Variants in DPY19L1 observed in about 807,000 individuals in gnomAD.
The protein encoded by DPY19L1 is protein C-mannosyl-transferase DPY19L1.
In DPY19L1, 35 loss-of-function variants were observed where a neutral mutation model predicts 96.9. That is an observed-to-expected ratio of 0.36 (90% CI 0.28 to 0.48). The LOEUF (loss-of-function observed/expected upper bound fraction) is 0.48. Among genes scored for constraint, DPY19L1 ranks in the 20% least tolerant of loss-of-function variants. DPY19L1 has a pLI of 0.99. For missense variants in DPY19L1, 521 were observed against 777.9 expected (o/e 0.67, Z 3.93); for synonymous variants, 205 against 252.6 (o/e 0.81, Z 1.79).
chr7:35,031,212 A>C (rs1041040452), intron 1 of DPY19L1, among the ~76,000 whole-genome samples: 12 of 152,228 alleles, frequency 7.9e-5, no homozygotes, highest in Admixed American at 2.6e-4. Context: ...TCAGATTGAA[A>C]ATAGTAGGCG....
intron 10 of DPY19L1, among the ~76,000 whole-genome samples, chr7:34,964,015 T>C (rs1784559728): frequency 6.6e-6 from 1 of 152,180 alleles, no homozygotes; most frequent in South Asian, 2.1e-4. Flanking sequence ...GTGGTGGTGA[T>C]GGTTGTAAAA....
chr7:34,933,989 C>T (rs965016424), intron 21 of DPY19L1, among the ~76,000 whole-genome samples: 20 of 151,952 alleles, frequency 1.3e-4, no homozygotes, highest in African/African-American at 4.3e-4. Flanking sequence ...TTTGAGATGG[C>T]GTTTCCCTCT....
Position 35,022,126 on chromosome 7 carries a change from G to A in DPY19L1, c.299-3530C>T, listed in dbSNP as rs183905713. Among the ~76,000 whole-genome samples the A allele has an allele frequency of 6.6e-5, 10 of 152,146 alleles. No homozygotes were observed. The East Asian group carries it at 1.9e-3, about 29-fold the overall frequency. On this transcript the variant is annotated intron_variant, in intron 1 of 21. Coordinates refer to ENST00000638088, the MANE Select transcript of DPY19L1 (RefSeq NM_001366673.1). ...TAATATTTTAAATGATTTTCTCTAAGTTTATTCCAGTGTTTATCGACGTTT... is the reference window on the plus strand; with the variant it reads ...TAATATTTTAAATGATTTTCTCTAAATTTATTCCAGTGTTTATCGACGTTT...
chr7:35,012,359 G>A (rs1376806469), intron 4 of DPY19L1, among the ~76,000 whole-genome samples: 3 of 152,044 alleles, frequency 2.0e-5, no homozygotes, highest in African/African-American at 7.2e-5. Context: ...TGGCCCTAAG[G>A]ACACTCCCTC....
Position 34,940,335 on chromosome 7 carries a change from CA to C in DPY19L1, c.1690-9del. On this transcript the variant is annotated splice_polypyrimidine_tract_variant and intron_variant, in intron 18 of 21. Coordinates refer to ENST00000638088, the MANE Select transcript of DPY19L1 (RefSeq NM_001366673.1). ...AAAGAGCCATCCAAATAGCTGAAAC[CA>C]AATTAAGAATACATTGGTAATTGTT... The C allele has an allele frequency of 6.2e-7, 1 of 1,601,010 alleles. No homozygotes were observed. Among genetic ancestry groups the C allele is most frequent in the Non-Finnish European group, 8.5e-7 (1 of 1,175,566 alleles).
At chr7:35,015,109 C>T (rs1785812233) in intron 3 of DPY19L1, among the ~76,000 whole-genome samples, 1 of 152,180 alleles carries the variant, frequency 6.6e-6, no homozygotes, top group Non-Finnish European at 1.5e-5. Context: ...GCTTGTTGCA[C>T]TTCTTTATGA....
At chr7:34,939,510 G>T in intron 19 of DPY19L1, 135 bp from the exon 20 acceptor site, 1 of 615,140 alleles carries the variant, frequency 1.6e-6, no homozygotes, top group Non-Finnish European at 2.7e-6. Flanking sequence ...TTCAATGGCA[G>T]AACTAGCATG....
intron 16 of DPY19L1, among the ~76,000 whole-genome samples, chr7:34,944,169 C>T (rs960849470): frequency 2.6e-5 from 4 of 151,952 alleles, no homozygotes; most frequent in East Asian, 3.9e-4. Flanking sequence ...TCAAGACCAG[C>T]CTGGCCAATA....
rs1258131673 is a variant in DPY19L1, at chr7:34,935,537, C to G, written c.2090+2457G>C. Among the ~76,000 whole-genome samples the G allele has an allele frequency of 3.3e-5, 5 of 151,980 alleles. No individual in the cohort carries two copies. The South Asian group carries it at 1.0e-3, about 32-fold the overall frequency. ...GAATAATCAAGCCATACAATTAAGCCACTTGTAAATGAGATCATTTAAACA... is the reference window on the plus strand; with the variant it reads ...GAATAATCAAGCCATACAATTAAGCGACTTGTAAATGAGATCATTTAAACA... On this transcript the variant is annotated intron_variant, in intron 21 of 21. Transcript: ENST00000638088.
intron 14 of DPY19L1, among the ~76,000 whole-genome samples, chr7:34,948,080 A>AACACAC (rs76586610): frequency 1.3e-5 from 2 of 151,668 alleles, no homozygotes; most frequent in Non-Finnish European, 2.9e-5. Flanking sequence ...TTATCCTTGA[A>AACACAC]ACACACACAC....
intron 15 of DPY19L1, among the ~76,000 whole-genome samples, 189 bp downstream of exon 15, chr7:34,947,441 C>T (rs889446719): frequency 5.3e-5 from 8 of 152,248 alleles, no homozygotes; most frequent in East Asian, 3.9e-4. Flanking sequence ...CTGTTTTATG[C>T]TAGCAGATAG....
intron 1 of DPY19L1, among the ~76,000 whole-genome samples, chr7:35,032,575 T>A (rs1167450684): frequency 6.6e-6 from 1 of 152,206 alleles, no homozygotes; most frequent in Non-Finnish European, 1.5e-5. Flanking sequence ...TATTTGCTGA[T>A]GACTCCCTGT....
rs57262214 is a variant in DPY19L1 at position 35,027,668 on chromosome 7, T to TAAAAAAAAAAAAAAAAAAAAAAAAAAA, written c.299-9073_299-9072insTTTTTTTTTTTTTTTTTTTTTTTTTTT. On this transcript the variant is annotated intron_variant, in intron 1 of 21. Coordinates refer to ENST00000638088, the MANE Select transcript of DPY19L1 (RefSeq NM_001366673.1). ...CAACATGGCAAAACCCCGTCTCTACTAAAAAAAAAAAAAAAAAAAATTAGT... is the reference window on the plus strand; with the variant it reads ...CAACATGGCAAAACCCCGTCTCTACTAAAAAAAAAAAAAAAAAAAAAAAAAAAAAAAAAAAAAAAAAAAAAAATTAGT... Among the ~76,000 whole-genome samples the TAAAAAAAAAAAAAAAAAAAAAAAAAAA allele has an allele frequency of 2.2e-4, 16 of 71,376 alleles. 2 individuals are homozygous for TAAAAAAAAAAAAAAAAAAAAAAAAAAA. Among genetic ancestry groups the TAAAAAAAAAAAAAAAAAAAAAAAAAAA allele is most frequent in the East Asian group, 7.6e-4 (2 of 2,626 alleles). The allele number at this position is 71,376 out of a possible 152,430, so 46.8% of individuals were successfully genotyped here. A position where few individuals can be genotyped will look rare whatever the true frequency, so the allele number is the denominator to read the frequency against.
chr7:35,038,020 C>T (rs1163374261), upstream of DPY19L1: 4 of 828,382 alleles, frequency 4.8e-6, no homozygotes, highest in Non-Finnish European at 6.3e-6. Context: ...AGGGAGAAGG[C>T]GCCCGGAGCG....
intron 21 of DPY19L1, among the ~76,000 whole-genome samples, chr7:34,937,754 CAA>C (rs1783901078): frequency 6.6e-6 from 1 of 152,006 alleles, no homozygotes; most frequent in African/African-American, 2.4e-5. Flanking sequence ...GTCAACACAG[CAA>C]AACCCCATCT....
chr7:35,024,321 T>C (rs1420871868), intron 1 of DPY19L1, among the ~76,000 whole-genome samples: 1 of 152,190 alleles, frequency 6.6e-6, no homozygotes, highest in Non-Finnish European at 1.5e-5. Context: ...CTTAAATCTA[T>C]CTGGATAAAG....
In DPY19L1 at chr7:34,957,981, T is replaced by C. The variant is rs1391647515; in HGVS notation, c.1179+3A>G. On this transcript the variant is annotated splice_donor_region_variant and intron_variant, in intron 11 of 21. Coordinates refer to ENST00000638088, the MANE Select transcript of DPY19L1 (RefSeq NM_001366673.1). The stretch of plus-strand genomic sequence containing the variant: ...AGCCATATAAGTGTTAAGGAATACT[T>C]ACCCAAATAATTACCAAAGAAGAAG... 6.4e-7 allele frequency: 1 copy of C among 1,556,040 alleles called. No individual in the cohort carries two copies. Among genetic ancestry groups the C allele is most frequent in the East Asian group, 2.3e-5 (1 of 44,176 alleles).
chr7:34,940,369 G>A, intron 18 of DPY19L1, 42 bp from the exon 19 acceptor site: 1 of 1,551,596 alleles, frequency 6.4e-7, no homozygotes, highest in Non-Finnish European at 8.7e-7. Flanking sequence ...GTTAGTATAA[G>A]TAGTATGCAT....
chr7:34,996,490 G>A (rs886178084), intron 6 of DPY19L1, among the ~76,000 whole-genome samples: 13 of 152,042 alleles, frequency 8.6e-5, no homozygotes, highest in African/African-American at 3.1e-4. Context: ...CTGAACAAAT[G>A]CTTCCCCTGG....
Sources: gnomAD v4.1 joint callset for allele counts (sites outside exome capture counted in the v4.1 genomes callset) on GRCh38, gnomAD v4.1.1 for gene constraint, MANE v1.5 for transcripts, NCBI Gene and HGNC (gene_info 2026-07-23, HGNC 2026-07-21) for gene names.